The following LINGO1 variants were observed in gnomAD, a reference collection of about 807,000 sequenced individuals.
The protein encoded by LINGO1 is leucine-rich repeat and immunoglobulin-like domain-containing nogo receptor-interacting protein 1.
In LINGO1, 11 loss-of-function variants were observed where a neutral mutation model predicts 37.3. The ratio of observed to expected loss-of-function variants is 0.29; its 90% CI spans 0.19 to 0.49. The LOEUF is 0.49. Among genes scored for constraint, LINGO1 ranks in the 20% least tolerant of loss-of-function variants. The pLI is 0.99. For synonymous variants in LINGO1, 387 were observed against 403.0 expected (o/e 0.96, Z 0.48); for missense variants, 585 against 878.2 (o/e 0.67, Z 4.22).
At chr15:77,681,234 T>C (rs2075408247) in intron 2 of LINGO1, among the ~76,000 whole-genome samples, 1 of 152,104 alleles carries the variant, frequency 6.6e-6, no homozygotes, top group Non-Finnish European at 1.5e-5. Flanking sequence ...GTGGGTTTTT[T>C]TTTTCTTTGT....
intron 1 of LINGO1, among the ~76,000 whole-genome samples, chr15:77,786,644 G>A (rs112664557): frequency 3.3e-5 from 5 of 152,192 alleles, no homozygotes; most frequent in Non-Finnish European, 7.3e-5. Context: ...CCTCCATGCC[G>A]CCTGGACAGA....
At chr15:77,776,159 C>G (rs907354084) in intron 1 of LINGO1, among the ~76,000 whole-genome samples, 10 of 152,072 alleles carry the variant, frequency 6.6e-5, no homozygotes, top group Non-Finnish European at 1.5e-4. Flanking sequence ...CCCTGCCTCC[C>G]TTTATGGGGA....
intron 2 of LINGO1, among the ~76,000 whole-genome samples, chr15:77,721,706 G>A (rs1252607414): frequency 6.6e-6 from 1 of 152,162 alleles, no homozygotes; most frequent in East Asian, 1.9e-4. Context: ...ATGAGAAGGG[G>A]CAGAGGAAGA....
chr15:77,734,913 TAG>T (rs1411568105), intron 2 of LINGO1: 1 of 152,036 alleles, frequency 6.6e-6, no homozygotes, highest in Non-Finnish European at 1.5e-5. Context: ...AATGAGGTGG[TAG>T]AGAGAGGGCT....
In LINGO1 at chr15:77,615,935, G is replaced by A. The variant is rs78370354; in HGVS notation, c.7-35C>T. On this transcript the variant is annotated intron_variant, in intron 1 of 1. Transcript: ENST00000355300. ...GGAGCAAGCACAGGACAGAGGTGGC[G>A]GTTAGGGGGCAGTGTGTGTCTGGAT... 5.5e-3 allele frequency: 7,769 copies of A among 1,417,084 alleles called. 346 individuals are homozygous for A. In the African/African-American group the frequency reaches 0.094, roughly 17 times the overall value. The allele number at this position is 1,417,084 out of a possible 1,614,324, so 87.8% of individuals were successfully genotyped here. A position where few individuals can be genotyped will look rare whatever the true frequency, so the allele number is the denominator to read the frequency against.
intron 1 of LINGO1, among the ~76,000 whole-genome samples, chr15:77,737,007 T>TCAGG (rs956065279): frequency 2.0e-4 from 30 of 152,326 alleles, no homozygotes; most frequent in African/African-American, 7.0e-4. Flanking sequence ...ACCTGTGTAA[T>TCAGG]CAGGCCCCCA....
At chr15:77,636,712 C>A (rs781534142), upstream of LINGO1, among the ~76,000 whole-genome samples, 1 of 152,130 alleles carries the variant, frequency 6.6e-6, no homozygotes, top group Non-Finnish European at 1.5e-5. Flanking sequence ...AAGCTCAGGG[C>A]TCCTTGGACG....
At chr15:77,775,579 A>AC (rs1229266883) in intron 1 of LINGO1, among the ~76,000 whole-genome samples, 1 of 152,050 alleles carries the variant, frequency 6.6e-6, no homozygotes, top group Admixed American at 6.5e-5. Context: ...GTGTGGGCCC[A>AC]CCACACCCAG....
chr15:77,805,106 C>T (rs941906307), intron 1 of LINGO1, among the ~76,000 whole-genome samples: 1 of 152,226 alleles, frequency 6.6e-6, no homozygotes, highest in African/African-American at 2.4e-5. Context: ...ACTCTGGGCA[C>T]CAATGCACCT....
At chr15:77,779,133 C>G (rs560323541) in intron 1 of LINGO1, among the ~76,000 whole-genome samples, 194 of 152,252 alleles carry the variant, frequency 1.3e-3, no homozygotes, top group African/African-American at 4.5e-3. Flanking sequence ...ACCTAAAAGT[C>G]TCCTTCTCAG....
At chr15:77,693,483 A>C (rs1214298021) in intron 1 of LINGO1, among the ~76,000 whole-genome samples, 1 of 152,222 alleles carries the variant, frequency 6.6e-6, no homozygotes. Context: ...TGGGAAATGA[A>C]GCTGCAGAGG....
chr15:77,719,753 C>A (rs28513208), intron 2 of LINGO1, among the ~76,000 whole-genome samples: 1 of 145,346 alleles, frequency 6.9e-6, no homozygotes, highest in African/African-American at 2.4e-5. Flanking sequence ...CATTCACACA[C>A]TCACATTCAC....
chr15:77,764,484 T>C (rs2076507769), intron 1 of LINGO1, among the ~76,000 whole-genome samples: 5 of 152,012 alleles, frequency 3.3e-5, no homozygotes, highest in Admixed American at 2.0e-4. Context: ...ATTCTGCAAA[T>C]CAATAAGAAA....
chr15:77,681,611 G>GT (rs1189189486), intron 2 of LINGO1, among the ~76,000 whole-genome samples: 1 of 152,224 alleles, frequency 6.6e-6, no homozygotes, highest in Non-Finnish European at 1.5e-5. Context: ...CCCTTGAATG[G>GT]TTTTTGCTGA....
Position 77,716,456 on chromosome 15 carries a change from A to C in LINGO1, c.-195+18536T>G, listed in dbSNP as rs1045441236. Reference sequence around the variant, plus strand: ...CCAGCACACCCAGCCGGGCCCTCTCACTAGTCCTGCAGGGAGTCAAGAGTC... The same window carrying C: ...CCAGCACACCCAGCCGGGCCCTCTCCCTAGTCCTGCAGGGAGTCAAGAGTC... On this transcript the variant is annotated intron_variant, in intron 2 of 3. Transcript: ENST00000561686. 1.5e-4 allele frequency among the ~76,000 whole-genome samples: 22 copies of C among 148,366 alleles called. 1 individual carries two copies. The highest frequency in any genetic ancestry group is 1.3e-3 in the Admixed American group (19 of 14,756).
chr15:77,801,484 A>G (rs1446099754), intron 1 of LINGO1, among the ~76,000 whole-genome samples: 1 of 152,258 alleles, frequency 6.6e-6, no homozygotes, highest in Non-Finnish European at 1.5e-5. Flanking sequence ...CTTTACAGCA[A>G]TCACCTCCGA....
At chr15:77,634,201 G>A (rs1325581063), upstream of LINGO1, 1 of 453,158 alleles carries the variant, frequency 2.2e-6, no homozygotes, top group Non-Finnish European at 4.4e-6. Flanking sequence ...GCCACGGAGG[G>A]ACCTCTCCCC....
chr15:77,698,868 C>T (rs117397581), upstream of LINGO1, among the ~76,000 whole-genome samples: 6 of 152,258 alleles, frequency 3.9e-5, no homozygotes, highest in East Asian at 1.2e-3. Context: ...AGAGGGGAGA[C>T]GTGCAGGCAG....
At chr15:77,758,293 C>T (rs1342659358) in intron 1 of LINGO1, among the ~76,000 whole-genome samples, 2 of 152,184 alleles carry the variant, frequency 1.3e-5, no homozygotes, top group African/African-American at 4.8e-5. Context: ...GAAGAAAGAG[C>T]ACTGGACTGG....
Sources: gnomAD v4.1 joint callset for allele counts (sites outside exome capture counted in the v4.1 genomes callset) on GRCh38, gnomAD v4.1.1 for gene constraint, MANE v1.5 for transcripts, NCBI Gene and HGNC (gene_info 2026-07-23, HGNC 2026-07-21) for gene names.